CYP2D6: variants seen among roughly 807,000 people sequenced by gnomAD.
The protein encoded by CYP2D6 is cytochrome P450 2D6.
A neutral mutation model predicts 43.5 loss-of-function variants in CYP2D6; 51 were observed. The ratio of observed to expected loss-of-function variants is 1.17; its 90% CI spans 0.94 to 1.48. The LOEUF (loss-of-function observed/expected upper bound fraction) is 1.48, where lower values mean the gene tolerates loss of function less well. Among genes scored for constraint, CYP2D6 ranks in the 40% most tolerant of loss-of-function variants. The pLI, the probability that CYP2D6 is intolerant of heterozygous loss-of-function variation, is 0.00. For synonymous variants in CYP2D6, 346 were observed against 297.1 expected, an observed-to-expected ratio of 1.16 and a Z score of -1.69; for missense variants, 698 against 688.0, an observed-to-expected ratio of 1.01 and a Z score of -0.16.
Position 42,129,184 on chromosome 22 carries a change from C to A in CYP2D6, c.354G>T (p.Gly118=). The A allele has an allele frequency of 6.2e-7, 1 of 1,603,958 alleles. No individual in the cohort carries two copies. Among genetic ancestry groups the A allele is most frequent in the Non-Finnish European group, 8.5e-7 (1 of 1,177,844 alleles). Reference sequence around the variant, plus strand: ...CGGGCCCATAGCGCGCCAGGAACACCCCTGGGGGTGGGACGGGCACGTGCG... The same window carrying A: ...CGGGCCCATAGCGCGCCAGGAACACACCTGGGGGTGGGACGGGCACGTGCG... ...QILGFGPRSQ[G]VFLARYGPAW... is the part of the protein sequence containing the mutation. The change falls in exon 3 of 9, where the codon GGG becomes GGT. Residue 118 remains glycine (G), a splice_region_variant and synonymous_variant. Coordinates refer to ENST00000645361, the MANE Select transcript of CYP2D6 (RefSeq NM_000106.6).
chr22:42,127,119 G>A lies in CYP2D6; in HGVS notation c.1174-127C>T, dbSNP rs1340380607. The A allele has an allele frequency of 3.8e-5, 48 of 1,256,544 alleles. 1 individual carries two copies. The South Asian group carries it at 3.9e-4, about 10-fold the overall frequency. The allele number at this position is 1,256,544 out of a possible 1,614,324, so 77.8% of individuals were successfully genotyped here. On this transcript the variant is annotated intron_variant, in intron 7 of 8. Transcript: ENST00000645361. The stretch of plus-strand genomic sequence containing the variant: ...GACTCTGTCAACTAGTCCTGCGCCC[G>A]AGAAGCTCCACAGTACCCTCTCCGA...
Position 42,127,499 on chromosome 22 carries a change from A to G in CYP2D6, c.1121T>C (p.Val374Ala), listed in dbSNP as rs1931114738. ...QRFGDIVPLG[V>A]THMTSRDIEV... ...GATGTCACGGGATGTCATATGGGTC[A>G]CACCCAGGGGGACGATGTCCCCAAA... The change falls in exon 7 of 9, where the codon GTG (valine) becomes GCG (alanine). Residue 374 changes from valine to alanine, a missense_variant. Around this residue, in one of 5 missense-constraint regions of CYP2D6, gnomAD observed 588 missense variants for 521.1 expected, o/e 1.13. Transcript: ENST00000645361. The G allele has an allele frequency of 6.2e-7, 1 of 1,611,666 alleles. No individual in the cohort carries two copies. The highest frequency in any genetic ancestry group is 8.5e-7 in the Non-Finnish European group (1 of 1,178,314).
rs1602573997 is a variant in CYP2D6 at position 42,128,310 on chromosome 22, A to G, written c.707T>C (p.Leu236Pro). 1 of 1,610,438 alleles carries G rather than the reference A, an allele frequency of 6.2e-7. No individual in the cohort carries two copies. The highest frequency in any genetic ancestry group is 8.5e-7 in the Non-Finnish European group (1 of 1,177,864). Residue 236 changes from leucine to proline, a missense_variant, in exon 5 of 9, where the codon CTG becomes CCG. Coordinates refer to ENST00000645361, the MANE Select transcript of CYP2D6 (RefSeq NM_000106.6). Reference protein sequence around the residue: ...AVPVLLHIPALAGKVLRFQKA... With the variant: ...AVPVLLHIPAPAGKVLRFQKA... ...TTGGAAGCGTAGGACCTTGCCAGCCAGCGCTGGGATATGCAGGAGGACGGG... is the reference window on the plus strand; with the variant it reads ...TTGGAAGCGTAGGACCTTGCCAGCCGGCGCTGGGATATGCAGGAGGACGGG...
In CYP2D6 at chr22:42,128,183, C is replaced by T; in HGVS notation, c.834G>A (p.Glu278=). ...PRDLTEAFLA[E]MEKAKGNPES... The stretch of plus-strand genomic sequence containing the variant: ...TGGCAGCCACTCTCACCTTCTCCAT[C>T]TCTGCCAGGAAGGCCTCAGTCAGGT... Residue 278 remains glutamate, a synonymous_variant, in exon 5 of 9, where the codon GAG becomes GAA. Transcript: ENST00000645361. 4 of 1,606,848 alleles carry T rather than the reference C, an allele frequency of 2.5e-6. 1 individual carries two copies. The South Asian group carries it at 3.3e-5, about 13-fold the overall frequency.
At position 42,129,726 on chromosome 22, in the gene CYP2D6, A is replaced by C. The variant is rs78854695; in HGVS notation, c.352+12T>G. The C allele has an allele frequency of 4.8e-3, 7,719 of 1,609,216 alleles. 695 individuals carry two copies. The African/African-American group carries it at 0.092, about 19-fold the overall frequency. Reference sequence around the variant, plus strand: ...CCCACGGAAATCTGTCTCTGTCCCCACCGCTGCTTGCCTTGGGAACGCGGC... The same window carrying C: ...CCCACGGAAATCTGTCTCTGTCCCCCCCGCTGCTTGCCTTGGGAACGCGGC... On this transcript the variant is annotated intron_variant, in intron 2 of 8. Coordinates refer to ENST00000645361, the MANE Select transcript of CYP2D6 (RefSeq NM_000106.6).
Position 42,130,770 on chromosome 22 carries a change from G to A in CYP2D6, c.22C>T (p.Pro8Ser), listed in dbSNP as rs1346961531. The change falls in exon 1 of 9, where the codon CCC (proline) becomes TCC (serine). Residue 8 changes from proline to serine, a missense_variant. Around this residue, in one of 5 missense-constraint regions of CYP2D6, gnomAD observed 588 missense variants for 521.1 expected, o/e 1.13. Transcript: ENST00000645361. Reference sequence around the variant, plus strand: ...AAGATGGCCACTATCACGGCCAGGGGCACCAGTGCTTCTAGCCCCATACCT... The same window carrying A: ...AAGATGGCCACTATCACGGCCAGGGACACCAGTGCTTCTAGCCCCATACCT... The part of the protein sequence containing the change: MGLEALV[P>S]LAVIVAIFLL... 5.7e-6 allele frequency: 9 copies of A among 1,581,046 alleles called. 1 individual carries two copies. Among genetic ancestry groups the A allele is most frequent in the Middle Eastern group, 1.7e-4 (1 of 5,764 alleles).
At position 42,129,635 on chromosome 22, in the gene CYP2D6, TGTTTC is replaced by T. The variant is rs1402319378; in HGVS notation, c.352+98_352+102del. ...GGCCCGCTGTCCCCACTCGCTGGCC[TGTTTC>T]ATGTCCACGACCCCGCGCCCTCTCT... On this transcript the variant is annotated intron_variant, in intron 2 of 8. Coordinates refer to ENST00000645361, the MANE Select transcript of CYP2D6 (RefSeq NM_000106.6). 23 of 1,483,120 alleles carry T rather than the reference TGTTTC, an allele frequency of 1.6e-5. No individual in the cohort carries two copies. In the African/African-American group the frequency reaches 2.9e-4, roughly 19 times the overall value. 91.9% of individuals were successfully genotyped at this position (1,483,120 alleles called of 1,614,324 possible).
chr22:42,128,999 G>C (rs1297428140), intron 3 of CYP2D6, 34 bp downstream of exon 3: 5 of 1,594,880 alleles, frequency 3.1e-6, no homozygotes, highest in Non-Finnish European at 4.3e-6. Flanking sequence ...CGCCTTCCCA[G>C]TTCCCGCTTT....
Position 42,129,021 on chromosome 22 carries a change from C to T in CYP2D6, c.505+12G>A, listed in dbSNP as rs778438493. 2.2e-5 allele frequency: 36 copies of T among 1,603,398 alleles called. 1 individual carries two copies. The highest frequency in any genetic ancestry group is 3.1e-5 in the Non-Finnish European group (36 of 1,174,652). Reference sequence around the variant, plus strand: ...CCAGTTCCCGCTTTGTGCCCTTCTGCCCATCACCCACCGGAGTGGTTGGCG... The same window carrying T: ...CCAGTTCCCGCTTTGTGCCCTTCTGTCCATCACCCACCGGAGTGGTTGGCG... On this transcript the variant is annotated intron_variant, in intron 3 of 8. Coordinates refer to ENST00000645361, the MANE Select transcript of CYP2D6 (RefSeq NM_000106.6).
At chr22:42,129,617 T>C (rs1484912301) in intron 2 of CYP2D6, 121 bp downstream of exon 2, 1 of 1,360,514 alleles carries the variant, frequency 7.4e-7, no homozygotes, top group Non-Finnish European at 1.0e-6. Flanking sequence ...CTTGGCCCGC[T>C]GTCCCCACTC....
In CYP2D6 at chr22:42,128,717, C is replaced by G. The variant is rs2146936179; in HGVS notation, c.666+67G>C. 2.6e-6 allele frequency: 4 copies of G among 1,541,810 alleles called. 1 individual carries two copies. Among genetic ancestry groups the G allele is most frequent in the South Asian group, 2.4e-5 (2 of 85,088 alleles). On this transcript the variant is annotated intron_variant, in intron 4 of 8. Transcript: ENST00000645361. ...TATGCAAATCCTGCTCTTCCGAGGCCCCAGTCCAGCCCCGGCACCTCTCGG... is the reference window on the plus strand; with the variant it reads ...TATGCAAATCCTGCTCTTCCGAGGCGCCAGTCCAGCCCCGGCACCTCTCGG...
chr22:42,127,682 G>A (rs1275056859), intron 6 of CYP2D6, 48 bp from the exon 7 acceptor site: 3 of 1,588,734 alleles, frequency 1.9e-6, no homozygotes, highest in Admixed American at 1.7e-5. Context: ...AGGGGGTCCG[G>A]CCCTGACACT....
At chr22:42,130,541 C>T in intron 1 of CYP2D6, 71 bp downstream of exon 1, 2 of 1,301,734 alleles carry the variant, frequency 1.5e-6, no homozygotes, top group South Asian at 1.3e-5. Flanking sequence ...GTGGTTTCAC[C>T]CACCATCCAT....
chr22:42,128,742 G>A lies in CYP2D6; in HGVS notation c.666+42C>T, dbSNP rs759520496. The A allele has an allele frequency of 3.8e-6, 6 of 1,586,700 alleles. 1 individual carries two copies. Among genetic ancestry groups the A allele is most frequent in the East Asian group, 2.3e-5 (1 of 43,622 alleles). On this transcript the variant is annotated intron_variant, in intron 4 of 8. Coordinates refer to ENST00000645361, the MANE Select transcript of CYP2D6 (RefSeq NM_000106.6). The stretch of plus-strand genomic sequence containing the variant: ...CCCAGTCCAGCCCCGGCACCTCTCG[G>A]GAGCTCGCCCTGCAGAGACTCCTCG...
intron 7 of CYP2D6, 52 bp from the exon 8 acceptor site, chr22:42,127,044 A>G (rs1319218163): frequency 6.4e-7 from 1 of 1,562,612 alleles, no homozygotes; most frequent in Non-Finnish European, 8.7e-7. Context: ...GGATGCTGGG[A>G]CCCCTGCCAC....
chr22:42,130,720 G>C lies in CYP2D6; in HGVS notation c.72C>G (p.His24Gln), dbSNP rs2146944619. ...AIFLLLVDLM[H>Q]RRQRWAARYP... ...AGCGTGCAGCCCAGCGTTGGCGCCGGTGCATCAGGTCCACCAGGAGCAGGA... is the reference window on the plus strand; with the variant it reads ...AGCGTGCAGCCCAGCGTTGGCGCCGCTGCATCAGGTCCACCAGGAGCAGGA... Residue 24 changes from histidine (H) to glutamine (Q), a missense_variant, in exon 1 of 9, where the codon CAC becomes CAG. Around this residue, in one of 5 missense-constraint regions of CYP2D6, gnomAD observed 588 missense variants for 521.1 expected, o/e 1.13. Transcript: ENST00000645361. 6.2e-7 allele frequency: 1 copy of C among 1,601,000 alleles called. No individual in the cohort carries two copies. The highest frequency in any genetic ancestry group is 1.1e-5 in the South Asian group (1 of 89,070).
chr22:42,130,022 A>G, intron 1 of CYP2D6, 113 bp from the exon 2 acceptor site: 6 of 1,127,534 alleles, frequency 5.3e-6, no homozygotes, highest in Admixed American at 2.3e-5. Context: ...GAGCAGGTGG[A>G]AGGAGGAGAC....
chr22:42,126,720 G>A lies in CYP2D6; in HGVS notation c.1348C>T (p.Arg450Cys), dbSNP rs754164689. The change falls in exon 9 of 9, where the codon CGC (arginine) becomes TGC (cysteine). Residue 450 changes from arginine to cysteine, a missense_variant. Coordinates refer to ENST00000645361, the MANE Select transcript of CYP2D6 (RefSeq NM_000106.6). Reference protein sequence around the residue: ...RRACLGEPLARMELFLFFTSL... With the variant: ...RRACLGEPLACMELFLFFTSL... ...GTGAAGAAGAGGAAGAGCTCCATGC[G>A]GGCCAGGGGCTCCCCGAGGCATGCA... The A allele has an allele frequency of 2.6e-5, 41 of 1,568,682 alleles. 1 individual carries two copies. The highest frequency in any genetic ancestry group is 2.5e-4 in the African/African-American group (18 of 72,870).
rs61736507 is a variant in CYP2D6, at chr22:42,129,178, G to A, written c.360C>T (p.Phe120=). The A allele has an allele frequency of 3.5e-3, 5,589 of 1,604,608 alleles. 188 individuals are homozygous for A. The highest frequency in any genetic ancestry group is 4.4e-3 in the Non-Finnish European group (5,140 of 1,177,948). ...LGFGPRSQGV[F]LARYGPAWRE... ...GCCACGCGGGCCCATAGCGCGCCAG[G>A]AACACCCCTGGGGGTGGGACGGGCA... Residue 120 remains phenylalanine, a synonymous_variant, in exon 3 of 9, where the codon TTC becomes TTT. Transcript: ENST00000645361.
Sources: allele counts gnomAD v4.1 joint callset, GRCh38; gene constraint gnomAD v4.1.1; regional missense constraint gnomAD v4.1.1; transcripts MANE v1.5; gene names NCBI Gene and HGNC (gene_info 2026-07-23, HGNC 2026-07-21).